Variants in SETD2 observed in about 807,000 individuals in gnomAD.
The protein encoded by SETD2 is SET domain containing 2, histone lysine methyltransferase, also known as histone-lysine N-methyltransferase SETD2.
Under a neutral mutation model 242.1 loss-of-function variants are expected in SETD2, and 31 were observed. That is an observed-to-expected ratio of 0.13 (90% CI 0.10 to 0.17). SETD2 has a LOEUF of 0.17. Ranked by LOEUF, SETD2 falls within the 10% of genes least tolerant of loss-of-function variation. The pLI is 1.00. For synonymous variants in SETD2, 1,006 were observed against 1,066.5 expected, an observed-to-expected ratio of 0.94 and a Z score of 1.11; for missense variants, 2,481 against 3,046.3, an observed-to-expected ratio of 0.81 and a Z score of 4.37.
In SETD2 at chr3:47,017,333, T is replaced by C. The variant is rs2038023773; in HGVS notation, c.7534-79A>G. The stretch of plus-strand genomic sequence containing the variant: ...ATGAGGGGGAGGACAGGGGTGGTAA[T>C]CCAGCCTGCTGCTTCAGGGCCCTTC... On this transcript the variant is annotated intron_variant, in intron 20 of 20. Coordinates refer to ENST00000409792, the MANE Select transcript of SETD2 (RefSeq NM_014159.7). This position sits in a 1 kb window ranked among gnomAD's most constrained non-coding sequence, Gnocchi z 4.8. The C allele has an allele frequency of 2.7e-6, 4 of 1,491,258 alleles. 1 individual carries two copies. The highest frequency in any genetic ancestry group is 1.4e-5 in the African/African-American group (1 of 72,172). 92.4% of individuals were successfully genotyped at this position (1,491,258 alleles called of 1,614,324 possible). A position where few individuals can be genotyped will look rare whatever the true frequency, so the allele number is the denominator to read the frequency against.
intron 15 of SETD2, among the ~76,000 whole-genome samples, chr3:47,049,811 T>C (rs1450691097): frequency 5.2e-5 from 2 of 38,210 alleles, no homozygotes; most frequent in Non-Finnish European, 1.3e-4. Flanking sequence ...GTTTATATTA[T>C]ATATATTATA....
intron 12 of SETD2, among the ~76,000 whole-genome samples, chr3:47,082,910 G>A (rs1202781954): frequency 2.0e-5 from 3 of 152,142 alleles, no homozygotes; most frequent in Admixed American, 6.6e-5. Context: ...TGGTTTATTT[G>A]GTTGCTTCAT....
intron 18 of SETD2, among the ~76,000 whole-genome samples, chr3:47,021,792 A>G (rs774004353): frequency 2.0e-5 from 3 of 152,208 alleles, no homozygotes; most frequent in Non-Finnish European, 2.9e-5. Context: ...AGTTGAGGAC[A>G]GCACTTGTTA....
intron 1 of SETD2, among the ~76,000 whole-genome samples, chr3:47,159,021 T>C (rs544432076): frequency 6.6e-6 from 1 of 152,244 alleles, no homozygotes; most frequent in Non-Finnish European, 1.5e-5. Context: ...TACACATCTA[T>C]AGTTCCAGCT....
At chr3:47,046,056 G>A (rs562583020) in intron 16 of SETD2, among the ~76,000 whole-genome samples, 12 of 152,042 alleles carry the variant, frequency 7.9e-5, no homozygotes, top group East Asian at 7.8e-4. Context: ...AAAACGGGCC[G>A]GGCGTGGTGG....
intron 5 of SETD2, among the ~76,000 whole-genome samples, chr3:47,110,769 C>T (rs562676869): frequency 6.6e-6 from 1 of 152,096 alleles, no homozygotes; most frequent in East Asian, 1.9e-4. Flanking sequence ...AACATGGAAA[C>T]ATTAAGTCCT....
At chr3:47,029,068 T>G (rs1359823808) in intron 18 of SETD2, 3 of 164,006 alleles carry the variant, frequency 1.8e-5, no homozygotes, top group Admixed American at 6.6e-5. Context: ...ACTTTTAATT[T>G]TTTTTTTTTT....
intron 12 of SETD2, among the ~76,000 whole-genome samples, chr3:47,075,121 G>A (rs372638878): frequency 3.4e-5 from 5 of 145,214 alleles, no homozygotes; most frequent in Non-Finnish European, 6.0e-5. Flanking sequence ...GCGACAGAGC[G>A]AGACTCCGTC....
chr3:47,106,493 TAAAAAAAA>T (rs766455577), intron 5 of SETD2, among the ~76,000 whole-genome samples: 218 of 57,242 alleles, frequency 3.8e-3, no homozygotes, highest in African/African-American at 7.6e-3. Flanking sequence ...ATTTTTGCTC[TAAAAAAAA>T]AAAAAAAAAA....
chr3:47,030,777 G>A (rs902408909), intron 18 of SETD2, among the ~76,000 whole-genome samples: 4 of 152,186 alleles, frequency 2.6e-5, no homozygotes, highest in Non-Finnish European at 4.4e-5. Context: ...TCCAGTGAGA[G>A]TATCTGTCAT....
chr3:47,101,580 G>T (rs1437049839), intron 7 of SETD2, 25 bp from the exon 8 acceptor site: 3 of 1,328,242 alleles, frequency 2.3e-6, no homozygotes, highest in Non-Finnish European at 3.3e-6. Context: ...GAAAACAAAA[G>T]AAATTAGTAA....
chr3:47,029,048 A>G, intron 18 of SETD2: 1 of 191,446 alleles, frequency 5.2e-6, no homozygotes, highest in Non-Finnish European at 1.1e-5. Flanking sequence ...GAACTATCAA[A>G]CACCCCCAAA....
chr3:47,033,474 A>AGGCT (rs1308151212), intron 18 of SETD2, among the ~76,000 whole-genome samples: 2 of 152,132 alleles, frequency 1.3e-5, no homozygotes, highest in Non-Finnish European at 2.9e-5. Flanking sequence ...ATCTAGAAGG[A>AGGCT]GGCTGGCTTG....
chr3:47,084,294 T>C lies in SETD2; in HGVS notation c.5486A>G (p.Gln1829Arg), dbSNP rs2107640478. 6.2e-7 allele frequency: 1 copy of C among 1,614,066 alleles called. No individual in the cohort carries two copies. Among genetic ancestry groups the C allele is most frequent in the Non-Finnish European group, 8.5e-7 (1 of 1,179,938 alleles). ...KVLPIIQRWS[Q>R]TKTAVPPLSE... ...CAACGGAGGGACAGCAGTCTTAGTC[T>C]GAGACCAGCGTTGAATAATTGGAAG... Residue 1829 changes from glutamine (Q) to arginine (R), a missense_variant, in exon 12 of 21, where the codon CAG (glutamine) becomes CGG (arginine). Coordinates refer to ENST00000409792, the MANE Select transcript of SETD2 (RefSeq NM_014159.7).
chr3:47,080,837 A>G, intron 12 of SETD2: 1 of 986,760 alleles, frequency 1.0e-6, no homozygotes, highest in Non-Finnish European at 1.2e-6. Context: ...ATTTTCCCGG[A>G]ACGACATCCA....
chr3:47,131,829 G>GT (rs998306379), intron 1 of SETD2, among the ~76,000 whole-genome samples: 1 of 149,274 alleles, frequency 6.7e-6, no homozygotes, highest in Admixed American at 6.7e-5. Flanking sequence ...CCAGGCTGCA[G>GT]TACAGAGGCG....
intron 16 of SETD2, among the ~76,000 whole-genome samples, chr3:47,044,963 G>A (rs1047021639): frequency 1.3e-5 from 2 of 152,244 alleles, no homozygotes; most frequent in South Asian, 2.1e-4. Context: ...AGATGCTCAA[G>A]TGGTAATTAT....
intron 1 of SETD2, among the ~76,000 whole-genome samples, chr3:47,158,295 A>G (rs1057179749): frequency 1.3e-5 from 2 of 152,220 alleles, no homozygotes; most frequent in African/African-American, 4.8e-5. Flanking sequence ...GATTCTATAA[A>G]AACCACAATA....
Position 47,042,636 on chromosome 3 carries a change from GT to G in SETD2, c.7162del (p.Thr2388ProfsTer23). On this transcript the variant is annotated frameshift_variant, in exon 17 of 21. Coordinates refer to ENST00000409792, the MANE Select transcript of SETD2 (RefSeq NM_014159.7). LOFTEE classifies it high-confidence loss of function. ...CTTCCAGTTGGGAGGTAAGACAATG[GT>G]TTTTGGTTTGGGAGGAGAGGGGGGC... The part of the protein sequence containing the change: ...LPPPSPPKPK[T>X]IVLPPNWKTA... 6.2e-7 allele frequency: 1 copy of G among 1,613,526 alleles called. No individual in the cohort carries two copies. Among genetic ancestry groups the G allele is most frequent in the Non-Finnish European group, 8.5e-7 (1 of 1,179,774 alleles).
Sources: allele counts gnomAD v4.1 joint callset (sites outside exome capture counted in the v4.1 genomes callset), GRCh38; gene constraint gnomAD v4.1.1; non-coding constraint Gnocchi (gnomAD v3.1); transcripts MANE v1.5; gene names NCBI Gene and HGNC (gene_info 2026-07-23, HGNC 2026-07-21).